ZNF804A: variants seen among roughly 807,000 people sequenced by gnomAD.
ZNF804A encodes zinc finger protein 804A.
Under a neutral mutation model 16.5 loss-of-function variants are expected in ZNF804A, and 2 were observed. The ratio of observed to expected loss-of-function variants is 0.12; its 90% CI spans 0.05 to 0.38. The LOEUF (loss-of-function observed/expected upper bound fraction) is 0.38, where lower values mean the gene tolerates loss of function less well. Among genes scored for constraint, ZNF804A ranks in the 10% least tolerant of loss-of-function variants. The pLI is 0.99. For synonymous variants in ZNF804A, 534 were observed against 489.6 expected (o/e 1.09, Z -1.20); for missense variants, 1,473 against 1,390.7 (o/e 1.06, Z -0.94).
intron 1 of ZNF804A, among the ~76,000 whole-genome samples, chr2:184,710,414 ATATT>A (rs1280240228): frequency 6.6e-6 from 1 of 151,500 alleles, no homozygotes; most frequent in African/African-American, 2.4e-5. Flanking sequence ...CCATATATAT[ATATT>A]TATTTTTTGT....
chr2:184,708,688 TAATA>T (rs1449113011), intron 1 of ZNF804A, among the ~76,000 whole-genome samples: 5 of 152,142 alleles, frequency 3.3e-5, no homozygotes, highest in African/African-American at 9.7e-5. Flanking sequence ...TATAATAACT[TAATA>T]AATATTTAGT....
intron 1 of ZNF804A, among the ~76,000 whole-genome samples, chr2:184,648,066 C>T (rs1180416130): frequency 3.3e-5 from 5 of 151,980 alleles, no homozygotes; most frequent in Non-Finnish European, 5.9e-5. Flanking sequence ...GATGGGGGCC[C>T]GATTTGCACA....
intron 1 of ZNF804A, among the ~76,000 whole-genome samples, chr2:184,624,587 T>C (rs1691468460): frequency 6.6e-6 from 1 of 152,150 alleles, no homozygotes; most frequent in African/African-American, 2.4e-5. Flanking sequence ...TTTTGAATTA[T>C]TCATAACAGA....
At chr2:184,770,386 T>C (rs1038597375) in intron 1 of ZNF804A, among the ~76,000 whole-genome samples, 17 of 152,074 alleles carry the variant, frequency 1.1e-4, no homozygotes, top group Non-Finnish European at 2.1e-4. Flanking sequence ...TTTTCATAAA[T>C]TGGCCAGAAA....
At chr2:184,880,235 C>CA (rs1197840926) in intron 2 of ZNF804A, among the ~76,000 whole-genome samples, 1 of 151,452 alleles carries the variant, frequency 6.6e-6, no homozygotes, top group Non-Finnish European at 1.5e-5. Context: ...TAAGATATTT[C>CA]AAAAAAAATT....
intron 1 of ZNF804A, among the ~76,000 whole-genome samples, chr2:184,777,486 A>G (rs1294221897): frequency 1.3e-5 from 2 of 151,496 alleles, no homozygotes; most frequent in African/African-American, 4.8e-5. Context: ...TCTCAGCATC[A>G]CTGTCATTCC....
At chr2:184,848,218 T>TA (rs1695549458) in intron 1 of ZNF804A, among the ~76,000 whole-genome samples, 2 of 152,022 alleles carry the variant, frequency 1.3e-5, no homozygotes, top group African/African-American at 2.4e-5. Flanking sequence ...CTCATTAGCA[T>TA]AAAAAAGGCA....
chr2:184,672,769 G>A (rs148818986), intron 1 of ZNF804A, among the ~76,000 whole-genome samples: 33 of 147,090 alleles, frequency 2.2e-4, no homozygotes, highest in East Asian at 1.6e-3. Context: ...TTTTTCTTTC[G>A]TTCGTTTTGT....
intron 1 of ZNF804A, among the ~76,000 whole-genome samples, chr2:184,685,281 C>G (rs191943871): frequency 6.6e-5 from 10 of 152,196 alleles, no homozygotes; most frequent in Admixed American, 1.3e-4. Context: ...CACCCAGAAG[C>G]TTAAAGATGC....
At chr2:184,627,279 A>G (rs928384083) in intron 1 of ZNF804A, among the ~76,000 whole-genome samples, 6 of 152,142 alleles carry the variant, frequency 3.9e-5, no homozygotes, top group Non-Finnish European at 8.8e-5. Flanking sequence ...TTTAACCAGT[A>G]TATCAAAATT....
chr2:184,880,804 G>A (rs749546967), intron 2 of ZNF804A, among the ~76,000 whole-genome samples: 1 of 152,066 alleles, frequency 6.6e-6, no homozygotes, highest in Non-Finnish European at 1.5e-5. Context: ...CAGAGCAAGA[G>A]GGTGCCCAAT....
chr2:184,774,068 A>C (rs187253288), intron 1 of ZNF804A, among the ~76,000 whole-genome samples: 12 of 152,010 alleles, frequency 7.9e-5, no homozygotes, highest in Admixed American at 7.2e-4. Flanking sequence ...TGTCTGTCTT[A>C]ACAACTTTCC....
intron 2 of ZNF804A, among the ~76,000 whole-genome samples, 191 bp from the exon 3 acceptor site, chr2:184,933,412 T>C (rs1358742871): frequency 6.6e-6 from 1 of 152,222 alleles, no homozygotes; most frequent in Non-Finnish European, 1.5e-5. Context: ...GATGTAATAA[T>C]ATGCTTTGGC....
In ZNF804A at chr2:184,937,526, T is replaced by A. The variant is rs749727025; in HGVS notation, c.2130T>A (p.His710Gln). The part of the protein sequence containing the change: ...LNGQSNATMI[H>Q]SGKHNLTYSR... ...GACAATCAAATGCAACAATGATACA[T>A]TCTGGGAAACATAATTTAACATATT... The change falls in exon 4 of 4, where the codon CAT (histidine) becomes CAA (glutamine). Residue 710 changes from histidine (H) to glutamine (Q), a missense_variant. His to Gln is a conservative substitution (Grantham distance 24, BLOSUM62 0). Coordinates refer to ENST00000302277, the MANE Select transcript of ZNF804A (RefSeq NM_194250.2). 1.2e-6 allele frequency: 2 copies of A among 1,612,504 alleles called. No individual in the cohort carries two copies. Among genetic ancestry groups the A allele is most frequent in the South Asian group, 2.2e-5 (2 of 90,920 alleles).
intron 1 of ZNF804A, among the ~76,000 whole-genome samples, chr2:184,690,795 T>C (rs966765155): frequency 6.6e-6 from 1 of 152,052 alleles, no homozygotes; most frequent in African/African-American, 2.4e-5. Flanking sequence ...GTGTGTACTG[T>C]GGGTGGTTTA....
intron 1 of ZNF804A, among the ~76,000 whole-genome samples, chr2:184,822,263 C>A (rs1695097644): frequency 6.6e-6 from 1 of 152,082 alleles, no homozygotes; most frequent in African/African-American, 2.4e-5. Context: ...TTTGCAGGCC[C>A]ATGGACGGAG....
chr2:184,647,643 T>G (rs1691903847), intron 1 of ZNF804A, among the ~76,000 whole-genome samples: 1 of 152,148 alleles, frequency 6.6e-6, no homozygotes, highest in South Asian at 2.1e-4. Context: ...AGATAGAATG[T>G]CAAAGCATGA....
At chr2:184,643,487 G>T (rs1439139363) in intron 1 of ZNF804A, among the ~76,000 whole-genome samples, 1 of 151,852 alleles carries the variant, frequency 6.6e-6, no homozygotes, top group African/African-American at 2.4e-5. Flanking sequence ...CCCTGATATT[G>T]TCTTATTCTT....
At chr2:184,746,942 A>G (rs117721323) in intron 1 of ZNF804A, among the ~76,000 whole-genome samples, 1 of 151,390 alleles carries the variant, frequency 6.6e-6, no homozygotes, top group Non-Finnish European at 1.5e-5. Context: ...AAACTGAGAG[A>G]GTTTTCAGTT....
Sources: allele counts gnomAD v4.1 joint callset (sites outside exome capture counted in the v4.1 genomes callset), GRCh38; gene constraint gnomAD v4.1.1; transcripts MANE v1.5; gene names NCBI Gene and HGNC (gene_info 2026-07-23, HGNC 2026-07-21).